Variants in MUC17 observed in about 807,000 individuals in gnomAD.
MUC17 encodes mucin-17.
A neutral mutation model predicts 170.3 loss-of-function variants in MUC17; 190 were observed. The observed-to-expected ratio is 1.12, with a 90% confidence interval of 0.99 to 1.26. The LOEUF (loss-of-function observed/expected upper bound fraction) is 1.26, where lower values mean the gene tolerates loss of function less well. Ranked by LOEUF, MUC17 falls within the 50% of genes most tolerant of loss-of-function variation. MUC17 has a pLI of 0.00. For synonymous variants in MUC17, 2,325 were observed against 2,002.5 expected (o/e 1.16, Z -4.30); for missense variants, 6,415 against 5,530.0 (o/e 1.16, Z -5.08).
intron 3 of MUC17, among the ~76,000 whole-genome samples, chr7:101,045,982 G>A (rs1483666332): frequency 6.6e-6 from 1 of 152,282 alleles, no homozygotes; most frequent in East Asian, 1.9e-4. Flanking sequence ...ATGGGTGAAC[G>A]CGCCCCAGCA....
rs755041132 is a variant in MUC17, at chr7:101,043,751, C to G, written c.12335C>G (p.Ala4112Gly). Residue 4112 changes from alanine to glycine, a missense_variant, in exon 3 of 13, where the codon GCT becomes GGT. Coordinates refer to ENST00000306151, the MANE Select transcript of MUC17 (RefSeq NM_001040105.2). Reference sequence around the variant, plus strand: ...TCCTTCCCCACGGTGACCACCACCGCTGTCCCCACGAATACTACAATTAAG... The same window carrying G: ...TCCTTCCCCACGGTGACCACCACCGGTGTCCCCACGAATACTACAATTAAG... Reference protein sequence around the residue: ...TTSFPTVTTTAVPTNTTIKSN... With the variant: ...TTSFPTVTTTGVPTNTTIKSN... 6.2e-7 allele frequency: 1 copy of G among 1,614,170 alleles called. No individual in the cohort carries two copies. Among genetic ancestry groups the G allele is most frequent in the Non-Finnish European group, 8.5e-7 (1 of 1,180,036 alleles).
rs745379096 is a variant in MUC17, at chr7:101,041,021, C to A, written c.9605C>A (p.Thr3202Asn). 38 of 1,610,318 alleles carry A rather than the reference C, an allele frequency of 2.4e-5. No individual in the cohort carries two copies. Among genetic ancestry groups the A allele is most frequent in the Non-Finnish European group, 3.1e-5 (36 of 1,178,794 alleles). ...CCTGTGACCACTTCTACTGAAGCCACTTCATCTACAACTGCTGAAGGTACC... is the reference window on the plus strand; with the variant it reads ...CCTGTGACCACTTCTACTGAAGCCAATTCATCTACAACTGCTGAAGGTACC... ...STPVTTSTEA[T>N]SSTTAEGTSI... The change falls in exon 3 of 13, where the codon ACT becomes AAT. Residue 3202 changes from threonine (T) to asparagine (N), a missense_variant. Coordinates refer to ENST00000306151, the MANE Select transcript of MUC17 (RefSeq NM_001040105.2).
Position 101,037,495 on chromosome 7 carries a change from A to G in MUC17, c.6079A>G (p.Thr2027Ala), listed in dbSNP as rs1794526383. Reference sequence around the variant, plus strand: ...TTCTACTGAAGGCAGTTCATCTCCTACAACTGCAGGAGGTACCAGCATACA... The same window carrying G: ...TTCTACTGAAGGCAGTTCATCTCCTGCAACTGCAGGAGGTACCAGCATACA... Reference protein sequence around the residue: ...TTSTEGSSSPTTAGGTSIQTS... With the variant: ...TTSTEGSSSPATAGGTSIQTS... Residue 2027 changes from threonine (T) to alanine (A), a missense_variant, in exon 3 of 13, where the codon ACA becomes GCA. Physicochemically the swap from Thr to Ala is moderately conservative, Grantham distance 58. Coordinates refer to ENST00000306151, the MANE Select transcript of MUC17 (RefSeq NM_001040105.2). 2 of 1,613,390 alleles carry G rather than the reference A, an allele frequency of 1.2e-6. No homozygotes were observed. The highest frequency in any genetic ancestry group is 8.5e-7 in the Non-Finnish European group (1 of 1,179,696).
Position 101,034,261 on chromosome 7 carries a change from G to T in MUC17, c.2845G>T (p.Val949Phe). The change falls in exon 3 of 13, where the codon GTT (valine) becomes TTT (phenylalanine). Residue 949 changes from valine (V) to phenylalanine (F), a missense_variant. Physicochemically the swap from Val to Phe is conservative, Grantham distance 50 (BLOSUM62 -1). Coordinates refer to ENST00000306151, the MANE Select transcript of MUC17 (RefSeq NM_001040105.2). ...GGCTAGAACACTTTCAGCAACTCCT[G>T]TTGACACCAGCACACCTGTGACCAC... ...SEARTLSATP[V>F]DTSTPVTTST... 2 of 1,608,918 alleles carry T rather than the reference G, an allele frequency of 1.2e-6. No individual in the cohort carries two copies. Among genetic ancestry groups the T allele is most frequent in the Non-Finnish European group, 1.7e-6 (2 of 1,177,888 alleles).
chr7:101,032,282 G>A lies in MUC17; in HGVS notation c.866G>A (p.Ser289Asn). The A allele has an allele frequency of 1.9e-6, 3 of 1,613,912 alleles. No homozygotes were observed. The highest frequency in any genetic ancestry group is 2.5e-6 in the Non-Finnish European group (3 of 1,179,890). The stretch of plus-strand genomic sequence containing the variant: ...CCTCTCAGCGTGATGCTGGTGGTCA[G>A]TTCTGAGGCTAGCACCCTTTCAACA... Reference protein sequence around the residue: ...RMPLSVMLVVSSEASTLSTTP... With the variant: ...RMPLSVMLVVNSEASTLSTTP... The change falls in exon 3 of 13, where the codon AGT (serine) becomes AAT (asparagine). Residue 289 changes from serine to asparagine, a missense_variant. By Grantham distance (46) the Ser-to-Asn change is conservative (BLOSUM62 1). Coordinates refer to ENST00000306151, the MANE Select transcript of MUC17 (RefSeq NM_001040105.2).
Position 101,020,186 on chromosome 7 carries a change from G to C in MUC17, c.51G>C (p.Ser17=). The C allele has an allele frequency of 6.2e-7, 1 of 1,609,420 alleles. No homozygotes were observed. The highest frequency in any genetic ancestry group is 2.2e-5 in the East Asian group (1 of 44,570). Residue 17 remains serine (S), a synonymous_variant, in exon 1 of 13, where the codon TCG becomes TCC. Coordinates refer to ENST00000306151, the MANE Select transcript of MUC17 (RefSeq NM_001040105.2). ...MALCLLTLVL[S]LLPPQAAAEQ... ...TGTGTCTGCTGACCTTGGTCCTCTC[G>C]CTCTTGCCCCCACAAGCTGCTGCAG...
chr7:101,052,043 G>T, intron 9 of MUC17, 81 bp downstream of exon 9: 1 of 1,503,408 alleles, frequency 6.7e-7, no homozygotes, highest in Non-Finnish European at 9.0e-7. Flanking sequence ...CCCAGGCATT[G>T]CCTGGAGACC....
At chr7:101,053,986 G>A (rs1000380907) in intron 11 of MUC17, among the ~76,000 whole-genome samples, 2 of 146,412 alleles carry the variant, frequency 1.4e-5, no homozygotes, top group Non-Finnish European at 3.0e-5. Context: ...CTTGAGCCTG[G>A]GAGATGGAGG....
In MUC17 at chr7:101,042,416, T is replaced by A. The variant is rs147925756; in HGVS notation, c.11000T>A (p.Ile3667Asn). 5 of 1,612,680 alleles carry A rather than the reference T, an allele frequency of 3.1e-6. No homozygotes were observed. Among genetic ancestry groups the A allele is most frequent in the Non-Finnish European group, 4.2e-6 (5 of 1,179,678 alleles). ...CCTGTTGACACCAGCACACCTGTGATCACTTCTACCCAAGTCAGTTCATCT... is the reference window on the plus strand; with the variant it reads ...CCTGTTGACACCAGCACACCTGTGAACACTTCTACCCAAGTCAGTTCATCT... ...TLPVDTSTPV[I>N]TSTQVSSSPV... is the part of the protein sequence containing the mutation. The change falls in exon 3 of 13, where the codon ATC (isoleucine) becomes AAC (asparagine). Residue 3667 changes from isoleucine (I) to asparagine (N), a missense_variant. By Grantham distance (149) the Ile-to-Asn change is moderately radical. Coordinates refer to ENST00000306151, the MANE Select transcript of MUC17 (RefSeq NM_001040105.2).
chr7:101,051,674 C>A lies in MUC17; in HGVS notation c.12936C>A (p.Asp4312Glu). 6.2e-7 allele frequency: 1 copy of A among 1,611,682 alleles called. No individual in the cohort carries two copies. Among genetic ancestry groups the A allele is most frequent in the South Asian group, 1.1e-5 (1 of 90,768 alleles). Residue 4312 changes from aspartate (D) to glutamate (E), a missense_variant, in exon 8 of 13, where the codon GAC (aspartate) becomes GAA (glutamate). Coordinates refer to ENST00000306151, the MANE Select transcript of MUC17 (RefSeq NM_001040105.2). The stretch of plus-strand genomic sequence containing the variant: ...AAAACATTACGGTGACCCAGTACGA[C>A]CCTGAAGGTAGGTGATAACACAAGG... The part of the protein sequence containing the change: ...QVQNITVTQY[D>E]PEEDCRKMAK...
chr7:101,055,837 A>T (rs1199730559), intron 11 of MUC17, among the ~76,000 whole-genome samples: 2 of 152,272 alleles, frequency 1.3e-5, no homozygotes, highest in African/African-American at 2.4e-5. Flanking sequence ...GTTAGAAATC[A>T]ATAACAAAAA....
intron 3 of MUC17, among the ~76,000 whole-genome samples, chr7:101,047,599 G>A (rs1381537918): frequency 6.6e-6 from 1 of 152,190 alleles, no homozygotes; most frequent in Non-Finnish European, 1.5e-5. Context: ...GGAGGCTGAG[G>A]TGGGCAGATC....
rs1286804348 is a variant in MUC17 at position 101,031,685 on chromosome 7, A to C, written c.269A>C (p.Glu90Ala). The part of the protein sequence containing the change: ...RMYLSCSTNP[E>A]MTSIESSVTS... ...TATTTGAGTTGCAGCACCAACCCTG[A>C]GATGACCTCGATTGAGTCCAGTGTG... is the stretch of plus-strand genomic sequence containing the variant. The change falls in exon 3 of 13, where the codon GAG becomes GCG. Residue 90 changes from glutamate to alanine, a missense_variant. Transcript: ENST00000306151. 1 of 1,604,696 alleles carries C rather than the reference A, an allele frequency of 6.2e-7. No homozygotes were observed.
At position 101,043,256 on chromosome 7, in the gene MUC17, C is replaced by A. The variant is rs1454428134; in HGVS notation, c.11840C>A (p.Thr3947Asn). 6.2e-7 allele frequency: 1 copy of A among 1,614,100 alleles called. No homozygotes were observed. Among genetic ancestry groups the A allele is most frequent in the Non-Finnish European group, 8.5e-7 (1 of 1,180,042 alleles). ...TTIFIPSTPVTSSTADVFPAT... is the reference protein window; with the variant it reads ...TTIFIPSTPVNSSTADVFPAT... Reference sequence around the variant, plus strand: ...ATTTTTATTCCCAGCACTCCTGTCACCAGTTCTACTGCTGATGTCTTTCCT... The same window carrying A: ...ATTTTTATTCCCAGCACTCCTGTCAACAGTTCTACTGCTGATGTCTTTCCT... Residue 3947 changes from threonine to asparagine, a missense_variant, in exon 3 of 13, where the codon ACC (threonine) becomes AAC (asparagine). Physicochemically the swap from Thr to Asn is moderately conservative, Grantham distance 65. Coordinates refer to ENST00000306151, the MANE Select transcript of MUC17 (RefSeq NM_001040105.2).
chr7:101,037,730 C>G lies in MUC17; in HGVS notation c.6314C>G (p.Thr2105Arg), dbSNP rs1794535888. ...CCTAGTGAAGGAAGTCCTCTACTAA[C>G]AAGTATACCTCTCAGCACCACGCCG... Reference protein sequence around the residue: ...SAPSEGSPLLTSIPLSTTPVA... With the variant: ...SAPSEGSPLLRSIPLSTTPVA... The change falls in exon 3 of 13, where the codon ACA becomes AGA. Residue 2105 changes from threonine (T) to arginine (R), a missense_variant. Physicochemically the swap from Thr to Arg is moderately conservative, Grantham distance 71. Coordinates refer to ENST00000306151, the MANE Select transcript of MUC17 (RefSeq NM_001040105.2). 6.2e-7 allele frequency: 1 copy of G among 1,613,558 alleles called. No homozygotes were observed. The highest frequency in any genetic ancestry group is 8.5e-7 in the Non-Finnish European group (1 of 1,179,854).
chr7:101,037,690 A>G lies in MUC17; in HGVS notation c.6274A>G (p.Met2092Val). 2 of 1,613,338 alleles carry G rather than the reference A, an allele frequency of 1.2e-6. No individual in the cohort carries two copies. Among genetic ancestry groups the G allele is most frequent in the South Asian group, 1.1e-5 (1 of 90,966 alleles). ...ATCTGCAACCGCTGAAGGTAGCAGC[A>G]TGACAATCTCAGCTCCTAGTGAAGG... ...SSSATAEGSS[M>V]TISAPSEGSP... Residue 2092 changes from methionine (M) to valine (V), a missense_variant, in exon 3 of 13, where the codon ATG becomes GTG. By Grantham distance (21) the Met-to-Val change is conservative (BLOSUM62 1). Coordinates refer to ENST00000306151, the MANE Select transcript of MUC17 (RefSeq NM_001040105.2).
Position 101,031,731 on chromosome 7 carries a change from C to T in MUC17, c.315C>T (p.Val105=), listed in dbSNP as rs1228610530. 1 of 1,607,268 alleles carries T rather than the reference C, an allele frequency of 6.2e-7. No homozygotes were observed. The highest frequency in any genetic ancestry group is 1.1e-5 in the South Asian group (1 of 90,898). The stretch of plus-strand genomic sequence containing the variant: ...GTGTGACTTCAGACACTCCTGGTGT[C>T]TCCAGTACCAGGATGACACCAACAG... The part of the protein sequence containing the change: ...ESSVTSDTPG[V]SSTRMTPTES... Residue 105 remains valine (V), a synonymous_variant, in exon 3 of 13, where the codon GTC becomes GTT. Coordinates refer to ENST00000306151, the MANE Select transcript of MUC17 (RefSeq NM_001040105.2).
Position 101,049,398 on chromosome 7 carries a change from C to G in MUC17, c.12722+16C>G. On this transcript the variant is annotated intron_variant, in intron 6 of 12. Coordinates refer to ENST00000306151, the MANE Select transcript of MUC17 (RefSeq NM_001040105.2). ...CAAAGCTACGGTAAGTGTCTGGGCC[C>G]TTGGGAAGAGGGTCTGTGGCGTGGA... The G allele has an allele frequency of 6.2e-7, 1 of 1,608,880 alleles. No homozygotes were observed. Among genetic ancestry groups the G allele is most frequent in the Non-Finnish European group, 8.5e-7 (1 of 1,177,462 alleles).
At chr7:101,056,115 T>C (rs1425203329) in intron 11 of MUC17, 79 bp from the exon 12 acceptor site, 14 of 1,596,270 alleles carry the variant, frequency 8.8e-6, no homozygotes, top group Non-Finnish European at 1.1e-5. Flanking sequence ...TCATCCTCCA[T>C]CAGATGGGAT....
Sources: gnomAD v4.1 joint callset for allele counts (sites outside exome capture counted in the v4.1 genomes callset) on GRCh38, gnomAD v4.1.1 for gene constraint, MANE v1.5 for transcripts, NCBI Gene and HGNC (gene_info 2026-07-23, HGNC 2026-07-21) for gene names.